The following TRIML1 variants were observed in gnomAD, a reference collection of about 807,000 sequenced individuals.
TRIML1 encodes the protein tripartite motif family like 1, also known as probable E3 ubiquitin-protein ligase TRIML1.
A neutral mutation model predicts 32.3 loss-of-function variants in TRIML1; 34 were observed. The ratio of observed to expected loss-of-function variants is 1.05; its 90% CI spans 0.80 to 1.40. The LOEUF is 1.40. Among genes scored for constraint, TRIML1 ranks in the 40% most tolerant of loss-of-function variants. TRIML1 has a pLI of 0.00. For synonymous variants in TRIML1, 244 were observed against 226.6 expected, an observed-to-expected ratio of 1.08 and a Z score of -0.69; for missense variants, 595 against 574.9, an observed-to-expected ratio of 1.03 and a Z score of -0.36.
upstream of TRIML1, chr4:188,139,416 G>A (rs1294116684): frequency 6.4e-6 from 5 of 779,538 alleles, no homozygotes; most frequent in Non-Finnish European, 1.0e-5. Flanking sequence ...GGTGAAATCA[G>A]GCACAGAAGA....
In TRIML1 at chr4:188,147,263, C is replaced by G; in HGVS notation, c.1298C>G (p.Pro433Arg). The G allele has an allele frequency of 6.3e-7, 1 of 1,587,994 alleles. No individual in the cohort carries two copies. Among genetic ancestry groups the G allele is most frequent in the Non-Finnish European group, 8.6e-7 (1 of 1,166,908 alleles). ...GATGAATCCCTCATCTACAGCTTCC[C>G]GCAGGCTTCTTTCCAAGAGGCCCTC... ...GTDESLIYSF[P>R]QASFQEALRP... The change falls in exon 6 of 6, where the codon CCG becomes CGG. Residue 433 changes from proline (P) to arginine (R), a missense_variant. Coordinates refer to ENST00000332517, the MANE Select transcript of TRIML1 (RefSeq NM_178556.5).
downstream of TRIML1, among the ~76,000 whole-genome samples, chr4:188,147,972 T>C (rs902353067): frequency 2.0e-5 from 3 of 152,192 alleles, no homozygotes; most frequent in Admixed American, 1.3e-4. Flanking sequence ...TGTGTGAATG[T>C]CGTCATACCA....
intron 3 of TRIML1, chr4:188,142,833 G>C: frequency 5.5e-6 from 1 of 181,356 alleles, no homozygotes; most frequent in South Asian, 9.5e-5. Flanking sequence ...ACAAAGACCT[G>C]ATGAAGATAA....
In TRIML1 at chr4:188,142,235, T is replaced by C. The variant is rs757183597; in HGVS notation, c.505-17T>C. On this transcript the variant is annotated splice_polypyrimidine_tract_variant and intron_variant, in intron 2 of 5. Transcript: ENST00000332517. The stretch of plus-strand genomic sequence containing the variant: ...GTGTGTGTGTGTGTGTGTGTGTGTG[T>C]GTGTGTGTTTTGGCAGGAAGAAACA... The C allele has an allele frequency of 1.0e-5, 15 of 1,465,204 alleles. No homozygotes were observed. Among genetic ancestry groups the C allele is most frequent in the Non-Finnish European group, 1.4e-5 (15 of 1,051,290 alleles). The allele number at this position is 1,465,204 out of a possible 1,614,324, so 90.8% of individuals were successfully genotyped here. A position where few individuals can be genotyped will look rare whatever the true frequency, so the allele number is the denominator to read the frequency against.
At position 188,147,023 on chromosome 4, in the gene TRIML1, G is replaced by A. The variant is rs550980940; in HGVS notation, c.1058G>A (p.Trp353Ter). Residue 353 changes from tryptophan (W) to a stop codon, truncating the protein, a stop_gained, in exon 6 of 6, where the codon TGG (tryptophan) becomes TAG (stop). Transcript: ENST00000332517. LOFTEE classifies it low-confidence loss of function (END_TRUNC). ...GTGGAGGTGGGAAACAAGACCGAGTGGGAAGTGGGCATCTGCAAGGACTCT... is the reference window on the plus strand; with the variant it reads ...GTGGAGGTGGGAAACAAGACCGAGTAGGAAGTGGGCATCTGCAAGGACTCT... ...WEVEVGNKTEWEVGICKDSVS... is the reference protein window; with the variant it reads ...WEVEVGNKTE 3 of 1,606,260 alleles carry A rather than the reference G, an allele frequency of 1.9e-6. No individual in the cohort carries two copies. Among genetic ancestry groups the A allele is most frequent in the East Asian group, 2.2e-5 (1 of 44,740 alleles).
At chr4:188,137,482 T>C (rs1351830181), upstream of TRIML1, among the ~76,000 whole-genome samples, 1 of 147,334 alleles carries the variant, frequency 6.8e-6, no homozygotes, top group Non-Finnish European at 1.5e-5. Flanking sequence ...TTACTTTTTT[T>C]TTTTTTTTTT....
At position 188,144,055 on chromosome 4, in the gene TRIML1, C is replaced by T. The variant is rs1734963365; in HGVS notation, c.778C>T (p.Gln260Ter). The change falls in exon 5 of 6, where the codon CAG becomes TAG. Residue 260 changes from glutamine to a stop codon, truncating the protein, a stop_gained. Coordinates refer to ENST00000332517, the MANE Select transcript of TRIML1 (RefSeq NM_178556.5). LOFTEE classifies it high-confidence loss of function. Reference sequence around the variant, plus strand: ...TTGCAGGAGCGAGCCACTCTTGCTTCAGTGTCCAGAGGCCACCACCACAGA... The same window carrying T: ...TTGCAGGAGCGAGCCACTCTTGCTTTAGTGTCCAGAGGCCACCACCACAGA... ...ALERSEPLLL[Q>*]CPEATTTELS... The T allele has an allele frequency of 2.5e-6, 4 of 1,614,074 alleles. No individual in the cohort carries two copies. Among genetic ancestry groups the T allele is most frequent in the Non-Finnish European group, 3.4e-6 (4 of 1,180,002 alleles).
At chr4:188,148,871 G>A (rs1560976001), downstream of TRIML1, among the ~76,000 whole-genome samples, 1 of 145,774 alleles carries the variant, frequency 6.9e-6, no homozygotes, top group Non-Finnish European at 1.5e-5. Flanking sequence ...CAAAGTGCTA[G>A]GATTACAGGT....
chr4:188,139,532 C>T lies in TRIML1; in HGVS notation c.-27C>T. The T allele has an allele frequency of 1.9e-6, 3 of 1,547,506 alleles. No individual in the cohort carries two copies. The highest frequency in any genetic ancestry group is 2.6e-6 in the Non-Finnish European group (3 of 1,144,414). On this transcript the variant is annotated 5_prime_UTR_variant, in exon 1 of 6. Transcript: ENST00000332517. ...TGCTAATCCCAGAACAGAGGTGTAA[C>T]CTGGCTGCATATCCAGCCTCGAGAA...
intron 5 of TRIML1, among the ~76,000 whole-genome samples, chr4:188,145,480 A>C (rs1735041236): frequency 7.7e-6 from 1 of 130,680 alleles, no homozygotes; most frequent in Admixed American, 7.8e-5. Context: ...AAAAAAAGTC[A>C]GAAATGGAAT....
downstream of TRIML1, among the ~76,000 whole-genome samples, chr4:188,148,696 G>A (rs1004036463): frequency 2.0e-5 from 3 of 151,490 alleles, no homozygotes; most frequent in East Asian, 6.0e-4. Context: ...TCCACCTCCG[G>A]GGTTCAAGCA....
intron 1 of TRIML1, 22 bp from the exon 2 acceptor site, chr4:188,140,506 A>C (rs1428213248): frequency 1.3e-6 from 2 of 1,597,510 alleles, no homozygotes; most frequent in Admixed American, 3.4e-5. Flanking sequence ...CATTTGCCAG[A>C]AAGGGTTTGT....
downstream of TRIML1, among the ~76,000 whole-genome samples, chr4:188,149,880 G>A (rs868127557): frequency 4.1e-4 from 62 of 152,040 alleles, 1 homozygote; most frequent in African/African-American, 1.4e-3. Context: ...TTGGCTCACC[G>A]AAACCTCTAA....
intron 3 of TRIML1, 60 bp from the exon 4 acceptor site, chr4:188,143,778 A>AATTTC: frequency 6.2e-7 from 1 of 1,602,220 alleles, no homozygotes; most frequent in East Asian, 2.2e-5. Context: ...ATGCAAAATG[A>AATTTC]ATTTCGTCTG....
chr4:188,145,458 AAAAAAAAAAAAAAAAAAAG>A (rs760262033), intron 5 of TRIML1, among the ~76,000 whole-genome samples: 54,074 of 129,874 alleles, frequency 0.42, 13,583 homozygotes, highest in Admixed American at 0.58. Context: ...AAAAAAAAAA[AAAAAAAAAAAAAAAAAAAG>A]TCAGAAATGG....
intron 5 of TRIML1, among the ~76,000 whole-genome samples, chr4:188,144,439 T>G (rs1386658925): frequency 1.4e-5 from 2 of 148,058 alleles, no homozygotes; most frequent in African/African-American, 2.5e-5. Flanking sequence ...CTCGGCTCAC[T>G]GCAAGCTCCG....
At chr4:188,150,199 C>T (rs1276612144), downstream of TRIML1, among the ~76,000 whole-genome samples, 3 of 151,928 alleles carry the variant, frequency 2.0e-5, no homozygotes, top group Non-Finnish European at 4.4e-5. Context: ...GATCTCGGCT[C>T]ACTGCAGCCT....
chr4:188,138,682 C>T (rs1560968612), upstream of TRIML1, among the ~76,000 whole-genome samples: 1 of 151,928 alleles, frequency 6.6e-6, no homozygotes, highest in African/African-American at 2.4e-5. Context: ...TTTGAAGGGG[C>T]CTAGTTTGGA....
At position 188,139,727 on chromosome 4, in the gene TRIML1, T is replaced by G; in HGVS notation, c.169T>G (p.Trp57Gly). The G allele has an allele frequency of 3.7e-6, 6 of 1,613,980 alleles. No homozygotes were observed. Among genetic ancestry groups the G allele is most frequent in the Non-Finnish European group, 5.1e-6 (6 of 1,179,988 alleles). ...CACACCTTTATCTTGTCCTGAGTGC[T>G]GGAGGACCTTGGAGGGCCCGCATTT... ...HNTPLSCPEC[W>G]RTLEGPHFQS... The change falls in exon 1 of 6, where the codon TGG becomes GGG. Residue 57 changes from tryptophan to glycine, a missense_variant. Trp to Gly is a radical substitution (Grantham distance 184, BLOSUM62 -2). Coordinates refer to ENST00000332517, the MANE Select transcript of TRIML1 (RefSeq NM_178556.5).
Sources: gnomAD v4.1 joint callset for allele counts (sites outside exome capture counted in the v4.1 genomes callset) on GRCh38, gnomAD v4.1.1 for gene constraint, MANE v1.5 for transcripts, NCBI Gene and HGNC (gene_info 2026-07-23, HGNC 2026-07-21) for gene names.